The following TAF4B variants were observed in gnomAD, a reference collection of about 807,000 sequenced individuals.
TAF4B encodes transcription initiation factor TFIID subunit 4B.
In TAF4B, 38 loss-of-function variants were observed where a neutral mutation model predicts 86.4. The observed-to-expected ratio is 0.44, with a 90% CI of 0.34 to 0.58. The LOEUF is 0.58. Among genes scored for constraint, TAF4B ranks in the 20% least tolerant of loss-of-function variants. The pLI is 0.02. For missense variants in TAF4B, 988 were observed against 1,027.6 expected (o/e 0.96, Z 0.53); for synonymous variants, 388 against 391.2 (o/e 0.99, Z 0.10).
intron 9 of TAF4B, chr18:26,304,979 A>G: frequency 1.3e-5 from 9 of 675,026 alleles, no homozygotes; most frequent in Non-Finnish European, 1.6e-5. Context: ...TAATTCTTTG[A>G]TATATACATT....
chr18:26,340,561 G>A (rs1452358088), intron 13 of TAF4B, among the ~76,000 whole-genome samples: 4 of 152,124 alleles, frequency 2.6e-5, no homozygotes, highest in East Asian at 3.8e-4. Flanking sequence ...GTTCTCAAAC[G>A]TTGACATGCA....
In TAF4B at chr18:26,270,991, T is replaced by G. The variant is rs370998970; in HGVS notation, c.597+3368T>G. Among the ~76,000 whole-genome samples, 7 of 152,338 alleles carry G rather than the reference T, an allele frequency of 4.6e-5. No homozygotes were observed. In the East Asian group the frequency reaches 1.2e-3, roughly 25 times the overall value. On this transcript the variant is annotated intron_variant, in intron 3 of 14. Coordinates refer to ENST00000269142, the MANE Select transcript of TAF4B (RefSeq NM_005640.3). ...GGACCATTTATTTTTCTTAGCTAAT[T>G]TAGGTTGATGCATATTTTAAGTTGG...
chr18:26,300,954 C>T (rs2056725160), intron 9 of TAF4B, among the ~76,000 whole-genome samples: 1 of 151,890 alleles, frequency 6.6e-6, no homozygotes, highest in Admixed American at 6.6e-5. Context: ...AGCCACTAGT[C>T]ATAGACTAGG....
At chr18:26,256,514 G>C (rs888103695) in intron 1 of TAF4B, among the ~76,000 whole-genome samples, 1 of 151,788 alleles carries the variant, frequency 6.6e-6, no homozygotes, top group Non-Finnish European at 1.5e-5. Flanking sequence ...ATTTGCCCCT[G>C]CTCTTAATCT....
intron 9 of TAF4B, among the ~76,000 whole-genome samples, chr18:26,297,850 T>TAGAAC (rs1045059973): frequency 2.0e-5 from 3 of 152,170 alleles, no homozygotes; most frequent in Non-Finnish European, 4.4e-5. Flanking sequence ...TATAAATACA[T>TAGAAC]AGAACAGAAT....
In TAF4B at chr18:26,391,047, TC is replaced by T. The variant is rs980721210; in HGVS notation, c.*1037del. The T allele has an allele frequency of 3.3e-5, 5 of 152,170 alleles. No individual in the cohort carries two copies. The highest frequency in any genetic ancestry group is 1.2e-4 in the African/African-American group (5 of 41,442). 9.4% of individuals were successfully genotyped at this position (152,170 alleles called of 1,614,324 possible). On this transcript the variant is annotated 3_prime_UTR_variant, in exon 15 of 15. Transcript: ENST00000269142. ...TAAGCATGTTGGCACATTTAAAAAA[TC>T]CTAATTGATGATGAGAAATTTTTAA...
At chr18:26,264,757 A>G (rs1382516861) in intron 1 of TAF4B, among the ~76,000 whole-genome samples, 1 of 152,230 alleles carries the variant, frequency 6.6e-6, no homozygotes, top group Admixed American at 6.5e-5. Context: ...CCACTTACTG[A>G]ATAGTCTCCT....
intron 14 of TAF4B, among the ~76,000 whole-genome samples, chr18:26,360,389 C>T (rs746501770): frequency 2.4e-4 from 36 of 152,102 alleles, no homozygotes; most frequent in Admixed American, 1.4e-3. Flanking sequence ...ATTTTTCAAT[C>T]CATTAAGGAA....
intron 13 of TAF4B, among the ~76,000 whole-genome samples, chr18:26,354,162 G>A (rs779770785): frequency 7.9e-5 from 12 of 152,068 alleles, no homozygotes; most frequent in African/African-American, 1.9e-4. Context: ...TGCAGCCTCC[G>A]CTTTTGGGTT....
chr18:26,269,472 A>G (rs1010436094), intron 3 of TAF4B, among the ~76,000 whole-genome samples: 2 of 152,138 alleles, frequency 1.3e-5, no homozygotes, highest in Non-Finnish European at 2.9e-5. Context: ...GAGTCAAGAC[A>G]TATGTGATGA....
chr18:26,324,414 G>GT (rs2056988074), intron 11 of TAF4B, among the ~76,000 whole-genome samples: 1 of 152,160 alleles, frequency 6.6e-6, no homozygotes, highest in South Asian at 2.1e-4. Context: ...GCCTGGCCAC[G>GT]TGAGTACATC....
At chr18:26,376,326 T>A (rs1443271354) in intron 14 of TAF4B, among the ~76,000 whole-genome samples, 1 of 152,122 alleles carries the variant, frequency 6.6e-6, no homozygotes, top group African/African-American at 2.4e-5. Flanking sequence ...TTAAATAGTC[T>A]TTTCATTGAT....
chr18:26,371,383 T>A (rs1381262439), intron 14 of TAF4B, among the ~76,000 whole-genome samples: 2 of 152,214 alleles, frequency 1.3e-5, no homozygotes, highest in African/African-American at 4.8e-5. Flanking sequence ...ATTTCTCTAT[T>A]CATGAGGGGA....
intron 14 of TAF4B, among the ~76,000 whole-genome samples, chr18:26,372,788 G>T (rs1313321107): frequency 6.6e-6 from 1 of 151,658 alleles, no homozygotes; most frequent in African/African-American, 2.4e-5. Context: ...GGCTAACCCA[G>T]TGAAACCCCG....
chr18:26,338,978 C>T (rs2057114952), intron 13 of TAF4B, among the ~76,000 whole-genome samples: 1 of 152,154 alleles, frequency 6.6e-6, no homozygotes, highest in Non-Finnish European at 1.5e-5. Flanking sequence ...TTTGGGTTGG[C>T]CTCCAGCCTA....
In TAF4B at chr18:26,338,905, C is replaced by T. The variant is rs542236531; in HGVS notation, c.2316+3674C>T. 3.3e-5 allele frequency among the ~76,000 whole-genome samples: 5 copies of T among 152,258 alleles called. No homozygotes were observed. The East Asian group carries it at 9.7e-4, about 29-fold the overall frequency. On this transcript the variant is annotated intron_variant, in intron 13 of 14. Coordinates refer to ENST00000269142, the MANE Select transcript of TAF4B (RefSeq NM_005640.3). Reference sequence around the variant, plus strand: ...ATAAAAGCATCAAATAATTTCTTTTCATTCTTCCTATCGACTTCTACCAAT... The same window carrying T: ...ATAAAAGCATCAAATAATTTCTTTTTATTCTTCCTATCGACTTCTACCAAT...
At chr18:26,374,841 G>A (rs2057432017) in intron 14 of TAF4B, among the ~76,000 whole-genome samples, 1 of 152,134 alleles carries the variant, frequency 6.6e-6, no homozygotes. Flanking sequence ...GAATATTGAA[G>A]GAAAAGTAAA....
intron 1 of TAF4B, among the ~76,000 whole-genome samples, chr18:26,236,666 A>G (rs1051439036): frequency 6.6e-6 from 1 of 151,920 alleles, no homozygotes; most frequent in African/African-American, 2.4e-5. Context: ...GCCCTGCTCC[A>G]TTTTCTGTCC....
chr18:26,282,665 C>T (rs2056464735), intron 6 of TAF4B, among the ~76,000 whole-genome samples: 1 of 152,132 alleles, frequency 6.6e-6, no homozygotes, highest in African/African-American at 2.4e-5. Flanking sequence ...ATTAAGACAA[C>T]AGTGCAATTT....
Sources: allele counts gnomAD v4.1 joint callset (sites outside exome capture counted in the v4.1 genomes callset), GRCh38; gene constraint gnomAD v4.1.1; transcripts MANE v1.5; gene names NCBI Gene and HGNC (gene_info 2026-07-23, HGNC 2026-07-21).